Variants in COL2A1 observed in about 807,000 individuals in gnomAD.
COL2A1 encodes collagen alpha-1(II) chain.
In COL2A1, 28 loss-of-function variants were observed where a neutral mutation model predicts 204.5. The observed-to-expected ratio is 0.14, with a 90% CI of 0.10 to 0.19. The LOEUF is 0.19. Ranked by LOEUF, COL2A1 falls within the 10% of genes least tolerant of loss-of-function variation. The pLI is 1.00. For missense variants in COL2A1, 1,388 were observed against 2,027.5 expected, an observed-to-expected ratio of 0.68 and a Z score of 6.06; for synonymous variants, 708 against 718.7, an observed-to-expected ratio of 0.99 and a Z score of 0.24.
rs906352348 is a variant in COL2A1, at chr12:47,980,475, C to T, written c.2625+79G>A. 18 of 1,307,460 alleles carry T rather than the reference C, an allele frequency of 1.4e-5. No individual in the cohort carries two copies. The highest frequency in any genetic ancestry group is 8.8e-5 in the African/African-American group (6 of 68,448). 81.0% of individuals were successfully genotyped at this position (1,307,460 alleles called of 1,614,324 possible). Reference sequence around the variant, plus strand: ...CCAGGCCTGCGAACCATCCTCTGCGCAGCCTGCTGGGGCCTTCCCATCTGC... The same window carrying T: ...CCAGGCCTGCGAACCATCCTCTGCGTAGCCTGCTGGGGCCTTCCCATCTGC... On this transcript the variant is annotated intron_variant, in intron 39 of 53. Coordinates refer to ENST00000380518, the MANE Select transcript of COL2A1 (RefSeq NM_001844.5). The surrounding 1 kb of genome is among the most constrained non-coding windows in gnomAD (Gnocchi z 4.5).
At position 47,985,923 on chromosome 12, in the gene COL2A1, C is replaced by T; in HGVS notation, c.1570G>A (p.Ala524Thr). ...CTTCTCCCACTCACCTTGGGACCTG[C>T]CAGACCATCTTGACCTGGGAAACCG... is the stretch of plus-strand genomic sequence containing the variant. ...NRGFPGQDGL[A>T]GPKGAPGERG... The change falls in exon 24 of 54, where the codon GCA becomes ACA. Residue 524 changes from alanine (A) to threonine (T), a missense_variant. Physicochemically the swap from Ala to Thr is moderately conservative, Grantham distance 58 (BLOSUM62 0). Coordinates refer to ENST00000380518, the MANE Select transcript of COL2A1 (RefSeq NM_001844.5). 6.4e-7 allele frequency: 1 copy of T among 1,552,600 alleles called. No homozygotes were observed. Among genetic ancestry groups the T allele is most frequent in the Non-Finnish European group, 8.7e-7 (1 of 1,147,420 alleles).
rs373798282 is a variant in COL2A1, at chr12:47,998,070, A to C, written c.343-6T>G. 3.1e-6 allele frequency: 5 copies of C among 1,614,214 alleles called. No individual in the cohort carries two copies. Among genetic ancestry groups the C allele is most frequent in the Non-Finnish European group, 3.4e-6 (4 of 1,180,036 alleles). On this transcript the variant is annotated splice_region_variant and splice_polypyrimidine_tract_variant and intron_variant, in intron 4 of 53. Coordinates refer to ENST00000380518, the MANE Select transcript of COL2A1 (RefSeq NM_001844.5). ...GGTCCTTTGGGTCCTACAATCTGTG[A>C]GAGAGAGCCCCACAGGATGGTAAGT...
Position 47,980,962 on chromosome 12 carries a change from G to A in COL2A1, c.2470C>T (p.Arg824Cys), listed in dbSNP as rs1418853798. 2.6e-6 allele frequency: 4 copies of A among 1,551,572 alleles called. No homozygotes were observed. The highest frequency in any genetic ancestry group is 3.5e-6 in the Non-Finnish European group (4 of 1,147,242). The stretch of plus-strand genomic sequence containing the variant: ...GGTCCGGGGGGCCCAGTCTCTCCAC[G>A]TTCACCCTGTGAGAGAAGGGGGCAT... ...SAGARGAPGERGETGPPGPAG... is the reference protein window; with the variant it reads ...SAGARGAPGECGETGPPGPAG... The change falls in exon 38 of 54, where the codon CGT (arginine) becomes TGT (cysteine). Residue 824 changes from arginine to cysteine, a missense_variant. This residue lies in a region of COL2A1 where 884 missense variants were observed against 1,415.8 expected (regional missense o/e 0.62). Transcript: ENST00000380518. This position sits in a 1 kb window ranked among gnomAD's most constrained non-coding sequence, Gnocchi z 4.5.
intron 16 of COL2A1, 112 bp downstream of exon 16, chr12:47,992,766 G>T (rs960757538): frequency 1.8e-6 from 2 of 1,099,126 alleles, no homozygotes; most frequent in African/African-American, 1.5e-5. Flanking sequence ...ATTCTTAAGG[G>T]ATAACAATAC....
chr12:47,974,821 C>G lies in COL2A1; in HGVS notation c.3928G>C (p.Ala1310Pro). 6.2e-7 allele frequency: 1 copy of G among 1,614,204 alleles called. No individual in the cohort carries two copies. The highest frequency in any genetic ancestry group is 8.5e-7 in the Non-Finnish European group (1 of 1,180,026). ...TCCATGTTGCAGAAAACCTTCATGG[C>G]GTCCAAGGTGCAGCCTTGGTTGGGG... ...IDPNQGCTLD[A>P]MKVFCNMETG... Residue 1310 changes from alanine (A) to proline (P), a missense_variant, in exon 52 of 54, where the codon GCC becomes CCC. Ala to Pro is a conservative substitution (Grantham distance 27). Coordinates refer to ENST00000380518, the MANE Select transcript of COL2A1 (RefSeq NM_001844.5).
Position 47,992,746 on chromosome 12 carries a change from C to A in COL2A1, c.1023+132G>T, listed in dbSNP as rs538194529. ...AGCCTGGGAAGTTTTGATGGGCACA[C>A]TGGGGGTGAATTCTTAAGGGATAAC... On this transcript the variant is annotated intron_variant, in intron 16 of 53. Coordinates refer to ENST00000380518, the MANE Select transcript of COL2A1 (RefSeq NM_001844.5). 5.3e-6 allele frequency: 5 copies of A among 938,506 alleles called. No individual in the cohort carries two copies. The East Asian group carries it at 1.3e-4, about 24-fold the overall frequency. The allele number at this position is 938,506 out of a possible 1,614,324, so 58.1% of individuals were successfully genotyped here. A position where few individuals can be genotyped will look rare whatever the true frequency, so the allele number is the denominator to read the frequency against.
chr12:47,987,597 G>A lies in COL2A1; in HGVS notation c.1221+14C>T. 6.8e-6 allele frequency: 11 copies of A among 1,606,636 alleles called. No homozygotes were observed. Among genetic ancestry groups the A allele is most frequent in the Non-Finnish European group, 9.4e-6 (11 of 1,175,324 alleles). ...ACCCCAGACCCCCCCAGGCCAAAGA[G>A]AAGCTGCACTTACGGAGGCACCAGC... On this transcript the variant is annotated intron_variant, in intron 19 of 53. Transcript: ENST00000380518. The surrounding 1 kb of genome is among the most constrained non-coding windows in gnomAD (Gnocchi z 4.1).
At chr12:47,996,005 G>A (rs747573546) in intron 8 of COL2A1, 86 bp from the exon 9 acceptor site, 38 of 1,111,130 alleles carry the variant, frequency 3.4e-5, no homozygotes, top group South Asian at 5.0e-5. Flanking sequence ...CCAACAGCCC[G>A]GGCAAAGGAC....
Position 47,975,426 on chromosome 12 carries a change from G to A in COL2A1, c.3777C>T (p.Leu1259=). The A allele has an allele frequency of 6.2e-7, 1 of 1,614,190 alleles. No individual in the cohort carries two copies. Residue 1259 remains leucine (L), a synonymous_variant, in exon 51 of 54, where the codon CTC becomes CTT. Transcript: ENST00000380518. The stretch of plus-strand genomic sequence containing the variant: ...TCTCAATCTGGTTGTTGAGGGACTT[G>A]AGTGTGGCATCCACCTCGGCGTCAT... ...RQHDAEVDAT[L]KSLNNQIESI... is the part of the protein sequence containing the mutation.
chr12:47,987,894 G>C lies in COL2A1; in HGVS notation c.1123-185C>G, dbSNP rs1322039671. ...GCCGTTTTTCTCCCTGCCTGACCGAGCTGATGACTTGATGACTTCCCACGC... is the reference window on the plus strand; with the variant it reads ...GCCGTTTTTCTCCCTGCCTGACCGACCTGATGACTTGATGACTTCCCACGC... On this transcript the variant is annotated intron_variant, in intron 18 of 53. Transcript: ENST00000380518. The surrounding 1 kb of genome is among the most constrained non-coding windows in gnomAD (Gnocchi z 4.1). 1.3e-5 allele frequency among the ~76,000 whole-genome samples: 2 copies of C among 152,228 alleles called. No homozygotes were observed. The highest frequency in any genetic ancestry group is 2.9e-5 in the Non-Finnish European group (2 of 68,028).
chr12:47,974,872 G>A lies in COL2A1; in HGVS notation c.3887-10C>T, dbSNP rs754208302. On this transcript the variant is annotated splice_polypyrimidine_tract_variant and intron_variant, in intron 51 of 53. Coordinates refer to ENST00000380518, the MANE Select transcript of COL2A1 (RefSeq NM_001844.5). The stretch of plus-strand genomic sequence containing the variant: ...TCAATCCAGTAGTCTCCTGCAGGGG[G>A]AAGAGGCAGCACCCATGGGGGCTCA... 18 of 1,611,862 alleles carry A rather than the reference G, an allele frequency of 1.1e-5. No homozygotes were observed. The highest frequency in any genetic ancestry group is 3.3e-5 in the Admixed American group (2 of 59,882).
chr12:48,003,555 G>A (rs1030172868), intron 1 of COL2A1, among the ~76,000 whole-genome samples: 1 of 152,134 alleles, frequency 6.6e-6, no homozygotes, highest in African/African-American at 2.4e-5. Flanking sequence ...GGCGCAGGCG[G>A]ACGGAGGGAA....
chr12:47,976,107 C>T lies in COL2A1; in HGVS notation c.3490-37G>A, dbSNP rs781222366. 46 of 1,498,222 alleles carry T rather than the reference C, an allele frequency of 3.1e-5. 1 individual carries two copies. The South Asian group carries it at 4.8e-4, about 16-fold the overall frequency. The allele number at this position is 1,498,222 out of a possible 1,614,324, so 92.8% of individuals were successfully genotyped here. ...AGAGGTCGTGAGGAAAGAGTGGTCA[C>T]CACAGGGAAGGCTGGGGAGTCGCTG... On this transcript the variant is annotated intron_variant, in intron 49 of 53. Coordinates refer to ENST00000380518, the MANE Select transcript of COL2A1 (RefSeq NM_001844.5). This position sits in a 1 kb window ranked among gnomAD's most constrained non-coding sequence, Gnocchi z 4.3.
chr12:47,991,417 G>C (rs1354696893), intron 16 of COL2A1, among the ~76,000 whole-genome samples: 1 of 152,178 alleles, frequency 6.6e-6, no homozygotes, highest in African/African-American at 2.4e-5. Flanking sequence ...GGATCTCCAT[G>C]AGCCTACCCC....
chr12:47,976,967 G>C lies in COL2A1; in HGVS notation c.3328-48C>G. ...TTGAGTCAGGTCAGGGCCAGGACAG[G>C]AGCCCCCTCCTGTCCCACCCAAGCT... On this transcript the variant is annotated intron_variant, in intron 47 of 53. Coordinates refer to ENST00000380518, the MANE Select transcript of COL2A1 (RefSeq NM_001844.5). The surrounding 1 kb of genome is among the most constrained non-coding windows in gnomAD (Gnocchi z 4.3). 6.4e-7 allele frequency: 1 copy of C among 1,550,492 alleles called. No homozygotes were observed.
chr12:47,984,662 G>A (rs912810189), intron 27 of COL2A1, 63 bp from the exon 28 acceptor site: 53 of 1,494,298 alleles, frequency 3.5e-5, no homozygotes, highest in Admixed American at 1.0e-4. Context: ...GGGGCAGAGC[G>A]GGCTGCAGGG....
rs145766709 is a variant in COL2A1 at position 47,981,782 on chromosome 12, G to C, written c.2403C>G (p.Gly801=). 33 of 1,553,676 alleles carry C rather than the reference G, an allele frequency of 2.1e-5. No individual in the cohort carries two copies. Among genetic ancestry groups the C allele is most frequent in the Non-Finnish European group, 2.9e-5 (33 of 1,148,206 alleles). The change falls in exon 36 of 54, where the codon GGC becomes GGG. Residue 801 remains glycine, a synonymous_variant. Transcript: ENST00000380518. ...IGPPGPAGAN[G]EKGEVGPPGP... Reference sequence around the variant, plus strand: ...GAAAGGAGCCGGGACTCACCTTCTCGCCATTAGCACCAGCTGGGCCAGGGG... The same window carrying C: ...GAAAGGAGCCGGGACTCACCTTCTCCCCATTAGCACCAGCTGGGCCAGGGG...
At chr12:47,984,004 C>T in intron 29 of COL2A1, 83 bp downstream of exon 29, 2 of 1,250,332 alleles carry the variant, frequency 1.6e-6, no homozygotes, top group Non-Finnish European at 2.3e-6. Flanking sequence ...TCTGTCAGCT[C>T]CATTAATGGA....
rs561783810 is a variant in COL2A1 at position 47,983,084 on chromosome 12, G to T, written c.2094+9C>A. 3 of 1,613,922 alleles carry T rather than the reference G, an allele frequency of 1.9e-6. No homozygotes were observed. Among genetic ancestry groups the T allele is most frequent in the East Asian group, 2.2e-5 (1 of 44,882 alleles). On this transcript the variant is annotated intron_variant, in intron 32 of 53. Transcript: ENST00000380518. ...GGAGGCAGCCCGCATTGGCCAACAG[G>T]ATACTCACCCTGGGACCCACGAGGC...
Sources: allele counts gnomAD v4.1 joint callset (sites outside exome capture counted in the v4.1 genomes callset), GRCh38; gene constraint gnomAD v4.1.1; regional missense constraint gnomAD v4.1.1; non-coding constraint Gnocchi (gnomAD v3.1); transcripts MANE v1.5; gene names NCBI Gene and HGNC (gene_info 2026-07-23, HGNC 2026-07-21).